The following ZNF706 variants were observed in gnomAD, a reference collection of about 807,000 sequenced individuals.
The protein encoded by ZNF706 is transcriptional regulator ZNF706.
A neutral mutation model predicts 9.2 loss-of-function variants in ZNF706; 4 were observed. That is an observed-to-expected ratio of 0.43 (90% confidence interval 0.21 to 0.99). The LOEUF (loss-of-function observed/expected upper bound fraction) is 0.99, where lower values mean the gene tolerates loss of function less well. Among genes scored for constraint, ZNF706 ranks in the 50% least tolerant of loss-of-function variants. The pLI is 0.26. For missense variants in ZNF706, 27 were observed against 87.8 expected (o/e 0.31, Z 2.77); for synonymous variants, 28 against 27.3 (o/e 1.03, Z -0.08).
At chr8:101,204,667 A>T (rs1810686232) in intron 1 of ZNF706, 2 of 985,452 alleles carry the variant, frequency 2.0e-6, no homozygotes, top group African/African-American at 3.5e-5. Flanking sequence ...TTTTTAATGC[A>T]ACTCTCAGTG....
chr8:101,199,377 C>T (rs1407904671), intron 3 of ZNF706, 138 bp from the exon 4 acceptor site: 1 of 568,874 alleles, frequency 1.8e-6, no homozygotes, highest in Non-Finnish European at 3.1e-6. Context: ...ATACAGAACT[C>T]TGAAGAATTT....
intron 2 of ZNF706, 28 bp from the exon 3 acceptor site, chr8:101,200,125 T>C (rs1003493107): frequency 2.0e-6 from 3 of 1,534,226 alleles, no homozygotes; most frequent in African/African-American, 1.4e-5. Context: ...AAAAGAGAGC[T>C]AGACTTTATT....
intron 1 of ZNF706, chr8:101,204,631 G>A (rs957395398): frequency 5.5e-5 from 54 of 985,348 alleles, no homozygotes; most frequent in Non-Finnish European, 6.4e-5. Context: ...GAGGGAAAAA[G>A]TCACTTACAA....
chr8:101,204,986 C>T, intron 1 of ZNF706: 5 of 979,078 alleles, frequency 5.1e-6, no homozygotes, highest in African/African-American at 1.7e-5. Context: ...ACCCCAGCTT[C>T]AGCCTGGCGC....
chr8:101,203,166 T>C (rs1187466999), intron 1 of ZNF706: 2 of 151,316 alleles, frequency 1.3e-5, no homozygotes, highest in Non-Finnish European at 2.9e-5. Flanking sequence ...CCAAATGGAT[T>C]AAAACAAAAA....
rs78691176 is a variant in ZNF706, at chr8:101,199,483, G to GA, written c.*13-245dup. ...TCCAACCAAATGTAATGTGTAAAGTGATAACTTTCAACCAACAAATTTATA... is the reference window on the plus strand; with the variant it reads ...TCCAACCAAATGTAATGTGTAAAGTGAATAACTTTCAACCAACAAATTTATA... On this transcript the variant is annotated intron_variant, in intron 3 of 3. Coordinates refer to ENST00000311212, the MANE Select transcript of ZNF706 (RefSeq NM_016096.5). Among the ~76,000 whole-genome samples the GA allele has an allele frequency of 9.0e-4, 137 of 152,166 alleles. 4 individuals are homozygous for GA. The East Asian group carries it at 0.024, about 27-fold the overall frequency.
At position 101,204,784 on chromosome 8, in the gene ZNF706, TA is replaced by T. The variant is rs1456301041; in HGVS notation, c.-3+650del. Reference sequence around the variant, plus strand: ...GTAAGCTCTGCCCCAAAGCTCCTTTTAAAACCAACATAAATGAGTAACAGAA... The same window carrying T: ...GTAAGCTCTGCCCCAAAGCTCCTTTTAAACCAACATAAATGAGTAACAGAA... On this transcript the variant is annotated intron_variant, in intron 1 of 3. Transcript: ENST00000311212. 1.0e-5 allele frequency: 10 copies of T among 985,438 alleles called. No individual in the cohort carries two copies. The East Asian group carries it at 1.0e-3, about 101-fold the overall frequency. The allele number at this position is 985,438 out of a possible 1,614,324, so 61.0% of individuals were successfully genotyped here.
chr8:101,200,224 T>G, intron 2 of ZNF706, 127 bp from the exon 3 acceptor site: 1 of 674,194 alleles, frequency 1.5e-6, no homozygotes, highest in Non-Finnish European at 2.5e-6. Flanking sequence ...TCCTACAACT[T>G]AGTGACTGGC....
In ZNF706 at chr8:101,199,006, T is replaced by C. The variant is rs935249199; in HGVS notation, c.*246A>G. 7.1e-6 allele frequency: 3 copies of C among 420,556 alleles called. No homozygotes were observed. The highest frequency in any genetic ancestry group is 6.7e-5 in the East Asian group (2 of 29,782). The allele number at this position is 420,556 out of a possible 1,614,324, so 26.1% of individuals were successfully genotyped here. A position where few individuals can be genotyped will look rare whatever the true frequency, so the allele number is the denominator to read the frequency against. On this transcript the variant is annotated 3_prime_UTR_variant, in exon 4 of 4. Transcript: ENST00000311212. ...AATATGAACATCAATATAATTACAA[T>C]TGTAAAAAAATTTTTTATAACAAGG...
rs1472437793 is a variant in ZNF706, at chr8:101,198,864, A to C, written c.*388T>G. On this transcript the variant is annotated 3_prime_UTR_variant, in exon 4 of 4. Transcript: ENST00000311212. The stretch of plus-strand genomic sequence containing the variant: ...TTGCACTTGCAATTCTAGCTGATGA[A>C]TTCATTAGATTTTTATAAGGCAAAT... 5.4e-6 allele frequency: 1 copy of C among 183,962 alleles called. No individual in the cohort carries two copies. The highest frequency in any genetic ancestry group is 1.1e-5 in the Non-Finnish European group (1 of 89,146). The allele number at this position is 183,962 out of a possible 1,614,324, so 11.4% of individuals were successfully genotyped here.
intron 1 of ZNF706, among the ~76,000 whole-genome samples, chr8:101,202,165 G>A (rs1479389219): frequency 2.0e-5 from 3 of 151,938 alleles, no homozygotes; most frequent in Non-Finnish European, 4.4e-5. Flanking sequence ...TTGTGGCCAG[G>A]CGCGGTGGCT....
chr8:101,199,860 C>A, intron 3 of ZNF706, 130 bp downstream of exon 3: 1 of 642,332 alleles, frequency 1.6e-6, no homozygotes, highest in Non-Finnish European at 2.6e-6. Flanking sequence ...TTTTCAGTTA[C>A]ACATTAACTT....
intron 1 of ZNF706, chr8:101,204,939 C>G: frequency 1.0e-6 from 1 of 985,530 alleles, no homozygotes. Context: ...AGAGGAGGAA[C>G]GCACCCACAG....
At chr8:101,204,756 C>T (rs1159843481) in intron 1 of ZNF706, 19 of 985,420 alleles carry the variant, frequency 1.9e-5, no homozygotes, top group Middle Eastern at 5.2e-4. Context: ...TAGGAGGCAA[C>T]AAGTAAGCTC....
intron 2 of ZNF706, 129 bp from the exon 3 acceptor site, chr8:101,200,226 G>A (rs762991014): frequency 1.0e-5 from 7 of 667,848 alleles, no homozygotes; most frequent in Non-Finnish European, 1.8e-5. Flanking sequence ...CTACAACTTA[G>A]TGACTGGCAT....
chr8:101,201,014 G>A lies in ZNF706; in HGVS notation c.135+593C>T. 1 of 253,126 alleles carries A rather than the reference G, an allele frequency of 4.0e-6. No homozygotes were observed. Among genetic ancestry groups the A allele is most frequent in the Non-Finnish European group, 8.3e-6 (1 of 119,928 alleles). 15.7% of individuals were successfully genotyped at this position (253,126 alleles called of 1,614,324 possible). On this transcript the variant is annotated intron_variant, in intron 2 of 3. Coordinates refer to ENST00000311212, the MANE Select transcript of ZNF706 (RefSeq NM_016096.5). The surrounding 1 kb of genome is among the most constrained non-coding windows in gnomAD (Gnocchi z 4.5). ...TAGTCAGTTTACTCTTCTGTAAAAT[G>A]AGAACAATAAAAGTACTTTATCTTA...
At chr8:101,204,651 T>C (rs1810685553) in intron 1 of ZNF706, 1 of 985,398 alleles carries the variant, frequency 1.0e-6, no homozygotes, top group South Asian at 4.7e-5. Flanking sequence ...AATACCTACA[T>C]GCTGGTTTTT....
At position 101,199,043 on chromosome 8, in the gene ZNF706, T is replaced by C. The variant is rs1178665330; in HGVS notation, c.*209A>G. On this transcript the variant is annotated 3_prime_UTR_variant, in exon 4 of 4. Coordinates refer to ENST00000311212, the MANE Select transcript of ZNF706 (RefSeq NM_016096.5). ...TTTTTATAACAAGGATGGACTGATTTTCATATTTCCAAATCAGAGTCAACT... is the reference window on the plus strand; with the variant it reads ...TTTTTATAACAAGGATGGACTGATTCTCATATTTCCAAATCAGAGTCAACT... 1 of 446,136 alleles carries C rather than the reference T, an allele frequency of 2.2e-6. No individual in the cohort carries two copies. The highest frequency in any genetic ancestry group is 2.0e-5 in the African/African-American group (1 of 50,698). 27.6% of individuals were successfully genotyped at this position (446,136 alleles called of 1,614,324 possible). A position where few individuals can be genotyped will look rare whatever the true frequency, so the allele number is the denominator to read the frequency against.
intron 1 of ZNF706, chr8:101,203,817 T>C (rs1586269148): frequency 6.6e-6 from 1 of 152,242 alleles, no homozygotes; most frequent in Non-Finnish European, 1.5e-5. Flanking sequence ...TTAAAAAAAA[T>C]TATTAATTCT....
Sources: allele counts gnomAD v4.1 joint callset (sites outside exome capture counted in the v4.1 genomes callset), GRCh38; gene constraint gnomAD v4.1.1; non-coding constraint Gnocchi (gnomAD v3.1); transcripts MANE v1.5; gene names NCBI Gene and HGNC (gene_info 2026-07-23, HGNC 2026-07-21).